The following VPS13B variants were observed in gnomAD, a reference collection of about 807,000 sequenced individuals.
VPS13B encodes intermembrane lipid transfer protein VPS13B.
VPS13B carries 285 observed loss-of-function variants against 426.4 expected under a neutral mutation model. The ratio of observed to expected loss-of-function variants is 0.67; its 90% CI spans 0.61 to 0.74. The LOEUF is 0.74. Ranked by LOEUF, VPS13B falls within the 30% of genes least tolerant of loss-of-function variation. The pLI is 0.00. For synonymous variants in VPS13B, 1,676 were observed against 1,676.4 expected (o/e 1.00, Z 0.01); for missense variants, 4,537 against 4,782.6 (o/e 0.95, Z 1.51).
chr8:99,627,246 ATAAC>A (rs955684004), intron 33 of VPS13B, among the ~76,000 whole-genome samples: 10 of 152,098 alleles, frequency 6.6e-5, no homozygotes, highest in African/African-American at 2.4e-4. Context: ...ATATTTCAAA[ATAAC>A]TAAGAGACTA....
chr8:99,479,697 T>C (rs1819935306), intron 24 of VPS13B, among the ~76,000 whole-genome samples: 1 of 152,214 alleles, frequency 6.6e-6, no homozygotes, highest in African/African-American at 2.4e-5. Flanking sequence ...TGCATAATTA[T>C]TTTCAGATTA....
At chr8:99,453,368 G>A (rs1818294193) in intron 23 of VPS13B, among the ~76,000 whole-genome samples, 1 of 152,280 alleles carries the variant, frequency 6.6e-6, no homozygotes, top group East Asian at 1.9e-4. Flanking sequence ...AGAAAAGGAA[G>A]CTCAGAAACT....
intron 33 of VPS13B, among the ~76,000 whole-genome samples, chr8:99,616,914 A>G (rs1223728287): frequency 1.3e-5 from 2 of 152,256 alleles, no homozygotes; most frequent in East Asian, 1.9e-4. Flanking sequence ...GAAATAATTG[A>G]CTGAAGTGAC....
intron 5 of VPS13B, among the ~76,000 whole-genome samples, chr8:99,106,787 T>C (rs796279904): frequency 4.6e-5 from 7 of 152,348 alleles, no homozygotes; most frequent in African/African-American, 1.7e-4. Flanking sequence ...TGCGTGTATA[T>C]ATCTATTCCC....
intron 55 of VPS13B, among the ~76,000 whole-genome samples, chr8:99,849,762 G>A (rs963548373): frequency 6.6e-6 from 1 of 152,112 alleles, no homozygotes; most frequent in Non-Finnish European, 1.5e-5. Context: ...TAGGGAAATA[G>A]ATGATACATA....
chr8:99,794,538 T>A (rs1319260972), intron 43 of VPS13B, among the ~76,000 whole-genome samples: 1 of 152,228 alleles, frequency 6.6e-6, no homozygotes, highest in Non-Finnish European at 1.5e-5. Context: ...CCGTTGCTCG[T>A]GGCTTTGTGC....
At chr8:99,317,514 G>T (rs977857323) in intron 19 of VPS13B, among the ~76,000 whole-genome samples, 2 of 151,936 alleles carry the variant, frequency 1.3e-5, no homozygotes, top group African/African-American at 4.8e-5. Flanking sequence ...ATATACATTT[G>T]TGTGTCTGTG....
chr8:99,046,701 C>T (rs1292817276), intron 3 of VPS13B, among the ~76,000 whole-genome samples: 1 of 152,104 alleles, frequency 6.6e-6, no homozygotes. Context: ...GCATTTATTA[C>T]ATTGAGGTAT....
chr8:99,615,840 A>T (rs1473153053), intron 33 of VPS13B, among the ~76,000 whole-genome samples: 1 of 152,162 alleles, frequency 6.6e-6, no homozygotes, highest in Non-Finnish European at 1.5e-5. Context: ...TTATTATTAT[A>T]ATGATTCATT....
chr8:99,660,343 A>G (rs925236357), intron 34 of VPS13B, among the ~76,000 whole-genome samples: 2 of 152,230 alleles, frequency 1.3e-5, no homozygotes, highest in Admixed American at 1.3e-4. Context: ...AATACACTGT[A>G]TGTAAATACT....
chr8:99,458,673 T>C (rs141388676), intron 23 of VPS13B, among the ~76,000 whole-genome samples: 3,321 of 152,350 alleles, frequency 0.022, 131 homozygotes, highest in African/African-American at 0.076. Flanking sequence ...TGGCCAGTGA[T>C]GATGAGCATG....
chr8:99,686,301 G>A (rs1201367363), intron 35 of VPS13B, among the ~76,000 whole-genome samples: 1 of 152,156 alleles, frequency 6.6e-6, no homozygotes, highest in Non-Finnish European at 1.5e-5. Context: ...TGGCCACTGT[G>A]CTGAGTCATA....
chr8:99,381,663 T>A (rs1813816016), intron 19 of VPS13B, among the ~76,000 whole-genome samples: 1 of 152,178 alleles, frequency 6.6e-6, no homozygotes, highest in Admixed American at 6.5e-5. Context: ...TCAATGATGT[T>A]GAGTTTTTTT....
chr8:99,060,616 A>AC (rs1403982937), intron 3 of VPS13B, among the ~76,000 whole-genome samples: 14 of 151,434 alleles, frequency 9.2e-5, no homozygotes, highest in South Asian at 4.2e-4. Flanking sequence ...CTCAAAAACA[A>AC]AAAAAAAAAT....
At chr8:99,223,133 T>A (rs145232153) in intron 17 of VPS13B, among the ~76,000 whole-genome samples, 3 of 152,162 alleles carry the variant, frequency 2.0e-5, no homozygotes, top group Non-Finnish European at 4.4e-5. Context: ...CAGCCTGATA[T>A]AGGAGACGAT....
chr8:99,195,599 T>C (rs1813868476), intron 17 of VPS13B, among the ~76,000 whole-genome samples: 1 of 152,222 alleles, frequency 6.6e-6, no homozygotes, highest in Non-Finnish European at 1.5e-5. Flanking sequence ...ATTTTTCTGT[T>C]ATTGCTTTCA....
intron 33 of VPS13B, among the ~76,000 whole-genome samples, chr8:99,611,461 T>C (rs965866181): frequency 4.6e-5 from 7 of 152,118 alleles, no homozygotes; most frequent in African/African-American, 1.7e-4. Flanking sequence ...TGCCAAGTAC[T>C]ACCTGTTTTT....
intron 25 of VPS13B, among the ~76,000 whole-genome samples, chr8:99,497,970 TG>T (rs1438249611): frequency 6.6e-6 from 1 of 152,060 alleles, no homozygotes; most frequent in Non-Finnish European, 1.5e-5. Context: ...TGAATATCTA[TG>T]AAAAAAATAA....
chr8:99,118,181 A>G (rs1242769104), intron 7 of VPS13B, among the ~76,000 whole-genome samples: 5 of 152,184 alleles, frequency 3.3e-5, no homozygotes, highest in African/African-American at 1.2e-4. Context: ...AAGAGTTATT[A>G]TAAGGTGAAC....
Sources: allele counts gnomAD v4.1 joint callset (sites outside exome capture counted in the v4.1 genomes callset), GRCh38; gene constraint gnomAD v4.1.1; transcripts MANE v1.5; gene names NCBI Gene and HGNC (gene_info 2026-07-23, HGNC 2026-07-21).